Variants in IMPA1 observed in about 807,000 individuals in gnomAD.
The protein encoded by IMPA1 is inositol monophosphatase 1.
A neutral mutation model predicts 34.9 loss-of-function variants in IMPA1; 21 were observed. The ratio of observed to expected loss-of-function variants is 0.60; its 90% CI spans 0.43 to 0.87. IMPA1 has a LOEUF of 0.87. Among genes scored for constraint, IMPA1 ranks in the 40% least tolerant of loss-of-function variants. The pLI is 0.00. For synonymous variants in IMPA1, 95 were observed against 104.4 expected, an observed-to-expected ratio of 0.91 and a Z score of 0.55; for missense variants, 299 against 336.4, an observed-to-expected ratio of 0.89 and a Z score of 0.87.
chr8:81,670,720 A>T (rs1563584608), intron 7 of IMPA1, among the ~76,000 whole-genome samples: 1 of 152,228 alleles, frequency 6.6e-6, no homozygotes, highest in Non-Finnish European at 1.5e-5. Flanking sequence ...GCTATAAAGG[A>T]CATTAGCAGA....
intron 4 of IMPA1, among the ~76,000 whole-genome samples, chr8:81,676,570 G>C (rs1267888374): frequency 6.6e-6 from 1 of 152,212 alleles, no homozygotes; most frequent in Non-Finnish European, 1.5e-5. Context: ...CGAGAAACTT[G>C]TAACAGTGGT....
At chr8:81,680,919 A>AT in intron 2 of IMPA1, 136 bp from the exon 3 acceptor site, 1 of 673,370 alleles carries the variant, frequency 1.5e-6, no homozygotes, top group East Asian at 2.9e-5. Flanking sequence ...TCTTACAAAT[A>AT]TATCTATAAA....
At chr8:81,673,715 T>C in intron 6 of IMPA1, 126 bp downstream of exon 6, 6 of 615,360 alleles carry the variant, frequency 9.8e-6, no homozygotes, top group Non-Finnish European at 1.7e-5. Context: ...TCAAAAAGAA[T>C]AAAGAGATAA....
At chr8:81,685,939 T>C in intron 1 of IMPA1, 5 of 1,527,812 alleles carry the variant, frequency 3.3e-6, no homozygotes, top group Non-Finnish European at 4.4e-6. Context: ...TACCTGGGCC[T>C]GGGGATGCAC....
intron 7 of IMPA1, among the ~76,000 whole-genome samples, chr8:81,670,029 C>A (rs751216354): frequency 1.3e-5 from 2 of 152,176 alleles, no homozygotes; most frequent in Non-Finnish European, 2.9e-5. Flanking sequence ...AGCAAGAAGG[C>A]CCTCATCAGA....
At chr8:81,674,766 C>G (rs1807082612) in intron 5 of IMPA1, 1 of 453,456 alleles carries the variant, frequency 2.2e-6, no homozygotes, top group African/African-American at 2.0e-5. Context: ...TGGTTTTTTA[C>G]AGTCCACAAA....
chr8:81,659,960 C>A (rs1411720824), intron 8 of IMPA1, among the ~76,000 whole-genome samples: 1 of 151,938 alleles, frequency 6.6e-6, no homozygotes, highest in Non-Finnish European at 1.5e-5. Flanking sequence ...TCAACTATCA[C>A]CATTGTCACC....
At chr8:81,681,249 G>C (rs900460226) in intron 2 of IMPA1, among the ~76,000 whole-genome samples, 5 of 152,078 alleles carry the variant, frequency 3.3e-5, no homozygotes, top group Non-Finnish European at 7.4e-5. Context: ...AAAGTAGCTG[G>C]ACATGGTGGC....
chr8:81,683,797 T>C (rs1292917161), intron 1 of IMPA1, among the ~76,000 whole-genome samples: 1 of 152,020 alleles, frequency 6.6e-6, no homozygotes, highest in African/African-American at 2.4e-5. Context: ...AATCACTGGA[T>C]AGGCATGATT....
chr8:81,669,900 A>T lies in IMPA1; in HGVS notation c.566+1039T>A, dbSNP rs542164960. Among the ~76,000 whole-genome samples the T allele has an allele frequency of 2.6e-5, 4 of 152,336 alleles. No homozygotes were observed. The East Asian group carries it at 7.7e-4, about 29-fold the overall frequency. On this transcript the variant is annotated intron_variant, in intron 7 of 8. Coordinates refer to ENST00000256108, the MANE Select transcript of IMPA1 (RefSeq NM_005536.4). ...AATCCACTCATGGGTTAATAGATTA[A>T]TGAGTCATCATAGGACTAGGACTGG...
chr8:81,669,705 G>A (rs1176873973), intron 7 of IMPA1, among the ~76,000 whole-genome samples: 1 of 152,158 alleles, frequency 6.6e-6, no homozygotes, highest in Non-Finnish European at 1.5e-5. Context: ...GGACCCTGGG[G>A]ATGGAATGAG....
chr8:81,676,281 T>C lies in IMPA1; in HGVS notation c.303-2A>G. ...ATTGAAACAGCTACAAAAGGAAATCTTTTTTTAAAAAAAAGGACAAAATAC... is the reference window on the plus strand; with the variant it reads ...ATTGAAACAGCTACAAAAGGAAATCCTTTTTTAAAAAAAAGGACAAAATAC... On this transcript the variant is annotated splice_acceptor_variant, in intron 4 of 8. Coordinates refer to ENST00000256108, the MANE Select transcript of IMPA1 (RefSeq NM_005536.4). LOFTEE classifies it high-confidence loss of function. 3.8e-6 allele frequency: 5 copies of C among 1,303,758 alleles called. No homozygotes were observed. Among genetic ancestry groups the C allele is most frequent in the Non-Finnish European group, 5.2e-6 (5 of 952,996 alleles). The allele number at this position is 1,303,758 out of a possible 1,614,324, so 80.8% of individuals were successfully genotyped here. A position where few individuals can be genotyped will look rare whatever the true frequency, so the allele number is the denominator to read the frequency against.
chr8:81,665,741 G>A (rs1270046403), intron 7 of IMPA1, among the ~76,000 whole-genome samples: 1 of 152,042 alleles, frequency 6.6e-6, no homozygotes, highest in Non-Finnish European at 1.5e-5. Context: ...TAATGTAAAA[G>A]CCAAGAAAAA....
chr8:81,684,262 T>C (rs1807398876), intron 1 of IMPA1, among the ~76,000 whole-genome samples: 1 of 143,502 alleles, frequency 7.0e-6, no homozygotes, highest in African/African-American at 2.7e-5. Context: ...AGATACTATA[T>C]ATAGTATACC....
rs1462688141 is a variant in IMPA1 at position 81,658,372 on chromosome 8, TAAG to T, written c.*976_*978del. 3.9e-5 allele frequency: 6 copies of T among 152,174 alleles called. No individual in the cohort carries two copies. The highest frequency in any genetic ancestry group is 5.9e-5 in the Non-Finnish European group (4 of 68,028). 9.4% of individuals were successfully genotyped at this position (152,174 alleles called of 1,614,324 possible). A position where few individuals can be genotyped will look rare whatever the true frequency, so the allele number is the denominator to read the frequency against. On this transcript the variant is annotated 3_prime_UTR_variant, in exon 9 of 9. Transcript: ENST00000256108. Reference sequence around the variant, plus strand: ...TCCAGCGGCAATGAAGTTAATTAAATAAGAAGACTAAGAGAAAAATAAACAGTT... The same window carrying T: ...TCCAGCGGCAATGAAGTTAATTAAATAAGACTAAGAGAAAAATAAACAGTT...
At chr8:81,667,148 A>G (rs1806852644) in intron 7 of IMPA1, among the ~76,000 whole-genome samples, 1 of 152,120 alleles carries the variant, frequency 6.6e-6, no homozygotes, top group Non-Finnish European at 1.5e-5. Flanking sequence ...TAATTAGGTA[A>G]ATCTTTTGGC....
At chr8:81,662,028 G>A (rs1208583404) in intron 7 of IMPA1, among the ~76,000 whole-genome samples, 1 of 152,148 alleles carries the variant, frequency 6.6e-6, no homozygotes, top group Non-Finnish European at 1.5e-5. Context: ...TTGCACCTAA[G>A]TACATCCTTT....
At chr8:81,674,596 A>G (rs919513833) in intron 5 of IMPA1, 12 of 325,020 alleles carry the variant, frequency 3.7e-5, no homozygotes, top group Non-Finnish European at 6.6e-5. Flanking sequence ...CCATGCTCCC[A>G]CCATTATTCT....
intron 7 of IMPA1, among the ~76,000 whole-genome samples, chr8:81,663,578 T>C (rs1007208982): frequency 1.3e-5 from 2 of 152,228 alleles, no homozygotes. Context: ...TATTAGATGA[T>C]CTTTGATCAG....
Sources: allele counts gnomAD v4.1 joint callset (sites outside exome capture counted in the v4.1 genomes callset), GRCh38; gene constraint gnomAD v4.1.1; transcripts MANE v1.5; gene names NCBI Gene and HGNC (gene_info 2026-07-23, HGNC 2026-07-21).